Variants in LONP1 observed in about 807,000 individuals in gnomAD.
LONP1 encodes lon peptidase 1, mitochondrial, also known as lon protease homolog, mitochondrial.
In LONP1, 31 loss-of-function variants were observed where a neutral mutation model predicts 98.5. That is an observed-to-expected ratio of 0.31 (90% confidence interval 0.24 to 0.42). The LOEUF is 0.42. Among genes scored for constraint, LONP1 ranks in the 20% least tolerant of loss-of-function variants. The pLI is 1.00. For synonymous variants in LONP1, 781 were observed against 594.7 expected (o/e 1.31, Z -4.56); for missense variants, 1,336 against 1,350.6 (o/e 0.99, Z 0.17).
intron 5 of LONP1, chr19:5,708,102 T>C (rs2055176993): frequency 1.6e-6 from 1 of 608,604 alleles, no homozygotes; most frequent in Non-Finnish European, 2.9e-6. Flanking sequence ...CCCCAGCCAA[T>C]GCCACCAACA....
At chr19:5,698,637 G>A (rs1403607608) in intron 10 of LONP1, among the ~76,000 whole-genome samples, 1 of 152,214 alleles carries the variant, frequency 6.6e-6, no homozygotes, top group African/African-American at 2.4e-5. Context: ...GGGGTGGGGG[G>A]TGGAGCCGAC....
chr19:5,699,258 C>T lies in LONP1; in HGVS notation c.1507-53G>A, dbSNP rs959710808. 21 of 1,414,916 alleles carry T rather than the reference C, an allele frequency of 1.5e-5. 1 individual carries two copies. Among genetic ancestry groups the T allele is most frequent in the Middle Eastern group, 2.1e-4 (1 of 4,688 alleles). 87.6% of individuals were successfully genotyped at this position (1,414,916 alleles called of 1,614,324 possible). On this transcript the variant is annotated intron_variant, in intron 9 of 17. Coordinates refer to ENST00000360614, the MANE Select transcript of LONP1 (RefSeq NM_004793.4). ...ACGTGAGCTGGGGAAGCCGGGGACCCGCGCATGACTCTCGCCACCTGCACA... is the reference window on the plus strand; with the variant it reads ...ACGTGAGCTGGGGAAGCCGGGGACCTGCGCATGACTCTCGCCACCTGCACA...
chr19:5,707,993 G>A, intron 5 of LONP1, 167 bp from the exon 6 acceptor site: 2 of 776,152 alleles, frequency 2.6e-6, no homozygotes, highest in African/African-American at 3.5e-5. Context: ...CAGAGTTCAG[G>A]GCCCACCCGT....
chr19:5,702,976 CAAATCCCCCTCTGCGAGA>C (rs2055082333), intron 8 of LONP1, among the ~76,000 whole-genome samples: 1 of 148,478 alleles, frequency 6.7e-6, no homozygotes, highest in African/African-American at 2.5e-5. Context: ...ATGACCCTGC[CAAATCCCCCTCTGCGAGA>C]AACACCCAAG....
intron 14 of LONP1, 86 bp downstream of exon 14, chr19:5,694,674 TG>T: frequency 6.4e-7 from 1 of 1,563,962 alleles, no homozygotes; most frequent in South Asian, 1.2e-5. Context: ...CGCAGGAAAG[TG>T]GGATGATGGG....
At chr19:5,714,393 C>A in intron 1 of LONP1, 122 bp from the exon 2 acceptor site, 2 of 669,238 alleles carry the variant, frequency 3.0e-6, no homozygotes, top group Non-Finnish European at 5.3e-6. Context: ...ACCTCCACCC[C>A]CACTGAGTTC....
chr19:5,696,722 A>C lies in LONP1; in HGVS notation c.1721T>G (p.Ile574Ser). The stretch of plus-strand genomic sequence containing the variant: ...CGTCTTGGTCTTCTTCAAACACTGG[A>C]TGATCTTCCCGGGCATGGCGCCCAC... ...TYVGAMPGKI[I>S]QCLKKTKTEN... The change falls in exon 11 of 18, where the codon ATC becomes AGC. Residue 574 changes from isoleucine (I) to serine (S), a missense_variant. Transcript: ENST00000360614. 2 of 1,613,514 alleles carry C rather than the reference A, an allele frequency of 1.2e-6. No homozygotes were observed. The highest frequency in any genetic ancestry group is 1.7e-6 in the Non-Finnish European group (2 of 1,179,922).
At chr19:5,716,987 G>T (rs909679685) in intron 1 of LONP1, among the ~76,000 whole-genome samples, 2 of 152,056 alleles carry the variant, frequency 1.3e-5, no homozygotes, top group African/African-American at 4.8e-5. Context: ...GTAGAGACGG[G>T]GTTTCACCTT....
intron 7 of LONP1, 105 bp from the exon 8 acceptor site, chr19:5,706,097 A>T (rs1183209325): frequency 1.4e-6 from 1 of 726,936 alleles, no homozygotes; most frequent in Non-Finnish European, 2.3e-6. Context: ...ACTCAGAGAG[A>T]AAAGAAACGA....
intron 4 of LONP1, 50 bp from the exon 5 acceptor site, chr19:5,708,453 G>C: frequency 7.7e-7 from 1 of 1,296,288 alleles, no homozygotes; most frequent in Non-Finnish European, 1.1e-6. Flanking sequence ...CTCCAGCAGG[G>C]GGTGGGCTGG....
chr19:5,714,625 T>TC (rs2055286781), intron 1 of LONP1, among the ~76,000 whole-genome samples: 1 of 147,580 alleles, frequency 6.8e-6, no homozygotes, highest in Non-Finnish European at 1.5e-5. Context: ...TTTCTTTTTT[T>TC]TTTTTTTTTC....
chr19:5,699,842 G>A (rs983617942), intron 9 of LONP1, among the ~76,000 whole-genome samples: 1 of 152,080 alleles, frequency 6.6e-6, no homozygotes, highest in African/African-American at 2.4e-5. Context: ...ACAGGTGTGA[G>A]CCACCATGCC....
intron 9 of LONP1, 68 bp from the exon 10 acceptor site, chr19:5,699,273 C>G (rs2054998734): frequency 2.3e-6 from 3 of 1,281,190 alleles, no homozygotes; most frequent in South Asian, 3.2e-5. Context: ...ATGACTCTCG[C>G]CACCTGCACA....
chr19:5,701,527 T>C (rs923345442), intron 8 of LONP1, among the ~76,000 whole-genome samples: 2 of 152,188 alleles, frequency 1.3e-5, no homozygotes, highest in African/African-American at 4.8e-5. Context: ...GAGACGGGGT[T>C]TCACTGTGTT....
intron 8 of LONP1, 80 bp from the exon 9 acceptor site, chr19:5,701,007 C>T: frequency 6.4e-7 from 1 of 1,555,376 alleles, no homozygotes; most frequent in Non-Finnish European, 8.9e-7. Flanking sequence ...TGGGTGGTTG[C>T]AAGGGGCTTG....
chr19:5,708,267 G>GCC, intron 5 of LONP1, 75 bp downstream of exon 5: 1 of 1,451,498 alleles, frequency 6.9e-7, no homozygotes, highest in East Asian at 2.3e-5. Context: ...CGCTGAGGAA[G>GCC]CCCCCTACCC....
At chr19:5,697,973 C>T (rs1290536168) in intron 10 of LONP1, among the ~76,000 whole-genome samples, 4 of 144,680 alleles carry the variant, frequency 2.8e-5, no homozygotes, top group East Asian at 4.4e-4. Context: ...ACTGGGTGCC[C>T]CCCACCCCCA....
chr19:5,714,598 C>T (rs1167247807), intron 1 of LONP1, among the ~76,000 whole-genome samples: 7 of 150,394 alleles, frequency 4.7e-5, no homozygotes, highest in Admixed American at 6.7e-5. Context: ...AGCCACCAAA[C>T]GCAGCACAGG....
Position 5,707,092 on chromosome 19 carries a change from G to A in LONP1, c.1114C>T (p.Leu372=), listed in dbSNP as rs1318526381. 14 of 1,612,878 alleles carry A rather than the reference G, an allele frequency of 8.7e-6. No homozygotes were observed. The highest frequency in any genetic ancestry group is 1.2e-5 in the Non-Finnish European group (14 of 1,179,940). The part of the protein sequence containing the change: ...ALSLLKKEFE[L]SKLQQRLGRE... ...CCCAGGCGCTGCTGCAGCTTGCTCA[G>A]TTCAAATTCCTTCTTCAGCAGGGAG... Residue 372 remains leucine, a synonymous_variant, in exon 7 of 18, where the codon CTG becomes TTG. Transcript: ENST00000360614.
Sources: gnomAD v4.1 joint callset for allele counts (sites outside exome capture counted in the v4.1 genomes callset) on GRCh38, gnomAD v4.1.1 for gene constraint, MANE v1.5 for transcripts, NCBI Gene and HGNC (gene_info 2026-07-23, HGNC 2026-07-21) for gene names.